The following SEPTIN9 variants were observed in gnomAD, a reference collection of about 807,000 sequenced individuals.
The protein encoded by SEPTIN9 is septin 9.
SEPTIN9 carries 13 observed loss-of-function variants against 56.6 expected under a neutral mutation model. The observed-to-expected ratio is 0.23, with a 90% CI of 0.15 to 0.37. The LOEUF (loss-of-function observed/expected upper bound fraction) is 0.37, where lower values mean the gene tolerates loss of function less well. Ranked by LOEUF, SEPTIN9 falls within the 10% of genes least tolerant of loss-of-function variation. SEPTIN9 has a pLI of 1.00. For synonymous variants in SEPTIN9, 332 were observed against 334.1 expected, an observed-to-expected ratio of 0.99 and a Z score of 0.07; for missense variants, 650 against 823.1, an observed-to-expected ratio of 0.79 and a Z score of 2.57.
At chr17:77,378,545 TG>T (rs1169831434) in intron 2 of SEPTIN9, among the ~76,000 whole-genome samples, 7 of 152,276 alleles carry the variant, frequency 4.6e-5, no homozygotes, top group African/African-American at 1.7e-4. Context: ...CAGGTAGGTT[TG>T]GATGCTTAAA....
At chr17:77,284,347 G>C (rs2031175105) in intron 1 of SEPTIN9, among the ~76,000 whole-genome samples, 2 of 152,238 alleles carry the variant, frequency 1.3e-5, no homozygotes, top group Admixed American at 6.5e-5. Context: ...GGCCCACACA[G>C]GGCAGCTGCA....
At chr17:77,390,141 T>C (rs1180504527) in intron 2 of SEPTIN9, among the ~76,000 whole-genome samples, 2 of 151,786 alleles carry the variant, frequency 1.3e-5, no homozygotes. Context: ...TCTGGAGCCT[T>C]TACTGTGGTC....
At chr17:77,441,532 G>T (rs148058361) in intron 3 of SEPTIN9, among the ~76,000 whole-genome samples, 10 of 152,336 alleles carry the variant, frequency 6.6e-5, no homozygotes, top group African/African-American at 1.4e-4. Flanking sequence ...GGAAGTTTGA[G>T]CAACAGCCTG....
At position 77,327,382 on chromosome 17, in the gene SEPTIN9, G is replaced by A. The variant is rs2033180438; in HGVS notation, c.76+20185G>A. 6.6e-6 allele frequency among the ~76,000 whole-genome samples: 1 copy of A among 152,146 alleles called. No homozygotes were observed. Among genetic ancestry groups the A allele is most frequent in the Non-Finnish European group, 1.5e-5 (1 of 68,018 alleles). The stretch of plus-strand genomic sequence containing the variant: ...CTGAAGCCGCTCGCTGTGTGCCCCC[G>A]CCTGGCCCCATGCATCCCGCACGGT... On this transcript the variant is annotated intron_variant, in intron 2 of 11. Coordinates refer to ENST00000427177, the MANE Select transcript of SEPTIN9 (RefSeq NM_001113491.2). This position sits in a 1 kb window ranked among gnomAD's most constrained non-coding sequence, Gnocchi z 5.0.
At chr17:77,388,675 C>T (rs754629162) in intron 2 of SEPTIN9, among the ~76,000 whole-genome samples, 1 of 152,192 alleles carries the variant, frequency 6.6e-6, no homozygotes, top group Non-Finnish European at 1.5e-5. Flanking sequence ...CTGGGGTCAC[C>T]GTCCCCTGTA....
intron 1 of SEPTIN9, among the ~76,000 whole-genome samples, chr17:77,305,839 T>C (rs2032236593): frequency 7.0e-6 from 1 of 142,292 alleles, no homozygotes; most frequent in South Asian, 2.4e-4. Flanking sequence ...GCTGCACCCA[T>C]TTCCATCTGG....
intron 2 of SEPTIN9, chr17:77,373,373 C>T (rs1230663678): frequency 1.7e-6 from 2 of 1,210,712 alleles, no homozygotes; most frequent in Non-Finnish European, 2.0e-6. Context: ...AGGGGCTCCT[C>T]CGGCGGCTAG....
rs141120279 is a variant in SEPTIN9, at chr17:77,466,534, C to T, written c.722-15610C>T. Reference sequence around the variant, plus strand: ...TGGAAGGAAGAAGCGGGCATTTCTTCCAGGAGGTCACCGTTGGAGTCCCAC... The same window carrying T: ...TGGAAGGAAGAAGCGGGCATTTCTTTCAGGAGGTCACCGTTGGAGTCCCAC... On this transcript the variant is annotated intron_variant, in intron 3 of 11. Transcript: ENST00000427177. 634 of 985,486 alleles carry T rather than the reference C, an allele frequency of 6.4e-4. 2 individuals are homozygous for T. The African/African-American group carries it at 0.011, about 16-fold the overall frequency. The allele number at this position is 985,486 out of a possible 1,614,324, so 61.0% of individuals were successfully genotyped here. A position where few individuals can be genotyped will look rare whatever the true frequency, so the allele number is the denominator to read the frequency against.
At chr17:77,297,112 G>A (rs1368681493) in intron 1 of SEPTIN9, among the ~76,000 whole-genome samples, 4 of 152,298 alleles carry the variant, frequency 2.6e-5, no homozygotes, top group African/African-American at 9.6e-5. Flanking sequence ...TCATACCATT[G>A]TGGAGGCCAA....
chr17:77,289,246 G>A (rs1302245496), intron 1 of SEPTIN9, among the ~76,000 whole-genome samples: 24 of 115,262 alleles, frequency 2.1e-4, no homozygotes, highest in Admixed American at 8.8e-4. Context: ...ACAGGCACGC[G>A]CCACCATGCC....
rs2040435921 is a variant in SEPTIN9, at chr17:77,499,975, G to A, written c.*1317G>A. ...GGCCCCTCACCCTCTGTCCCCACGA[G>A]GGGACCCATGGGGGCTGTCTTTGCA... On this transcript the variant is annotated 3_prime_UTR_variant, in exon 12 of 12. Coordinates refer to ENST00000427177, the MANE Select transcript of SEPTIN9 (RefSeq NM_001113491.2). The A allele has an allele frequency of 4.2e-6, 1 of 239,822 alleles. No individual in the cohort carries two copies. Among genetic ancestry groups the A allele is most frequent in the South Asian group, 1.6e-4 (1 of 6,292 alleles). The allele number at this position is 239,822 out of a possible 1,614,324, so 14.9% of individuals were successfully genotyped here. A position where few individuals can be genotyped will look rare whatever the true frequency, so the allele number is the denominator to read the frequency against.
intron 2 of SEPTIN9, among the ~76,000 whole-genome samples, chr17:77,372,037 C>G (rs558596988): frequency 6.6e-6 from 1 of 152,240 alleles, no homozygotes; most frequent in East Asian, 1.9e-4. Flanking sequence ...GGGCAGCGAG[C>G]GACCTCAGAC....
chr17:77,363,904 G>A (rs891238790), intron 2 of SEPTIN9, among the ~76,000 whole-genome samples: 1 of 146,638 alleles, frequency 6.8e-6, no homozygotes, highest in Non-Finnish European at 1.6e-5. Context: ...CCTTTGTGCT[G>A]TCTCTCACAT....
chr17:77,386,050 C>G (rs2035324890), intron 2 of SEPTIN9, among the ~76,000 whole-genome samples: 1 of 152,180 alleles, frequency 6.6e-6, no homozygotes, highest in African/African-American at 2.4e-5. Context: ...GGTCATCTGC[C>G]TGGCCCGGGG....
In SEPTIN9 at chr17:77,497,447, G is replaced by A. The variant is rs964189962; in HGVS notation, c.1625+81G>A. The A allele has an allele frequency of 7.3e-6, 10 of 1,376,856 alleles. No homozygotes were observed. In the East Asian group the frequency reaches 2.4e-4, roughly 33 times the overall value. 85.3% of individuals were successfully genotyped at this position (1,376,856 alleles called of 1,614,324 possible). A position where few individuals can be genotyped will look rare whatever the true frequency, so the allele number is the denominator to read the frequency against. ...CAGCGGGTGGGGGCAGTGGGTGTGGGGCCGAAGCCCTGGGCAGAGTGGGTG... is the reference window on the plus strand; with the variant it reads ...CAGCGGGTGGGGGCAGTGGGTGTGGAGCCGAAGCCCTGGGCAGAGTGGGTG... On this transcript the variant is annotated intron_variant, in intron 11 of 11. Transcript: ENST00000427177.
At chr17:77,463,345 G>C (rs1248355420) in intron 3 of SEPTIN9, among the ~76,000 whole-genome samples, 1 of 152,142 alleles carries the variant, frequency 6.6e-6, no homozygotes, top group African/African-American at 2.4e-5. Flanking sequence ...CCAGGCTCCT[G>C]ATTGCACCCT....
chr17:77,352,376 C>T (rs998974052), intron 2 of SEPTIN9, among the ~76,000 whole-genome samples: 1 of 151,724 alleles, frequency 6.6e-6, no homozygotes, highest in African/African-American at 2.4e-5. Context: ...CATTGCACTC[C>T]AGCCTGGGTG....
At chr17:77,342,358 C>G (rs2033761121) in intron 2 of SEPTIN9, among the ~76,000 whole-genome samples, 1 of 152,170 alleles carries the variant, frequency 6.6e-6, no homozygotes. Context: ...GTAAGGAAAA[C>G]ACTTCATTCC....
chr17:77,296,517 G>A (rs1390870016), intron 1 of SEPTIN9, among the ~76,000 whole-genome samples: 1 of 152,130 alleles, frequency 6.6e-6, no homozygotes, highest in African/African-American at 2.4e-5. Flanking sequence ...ATGATAGATA[G>A]CCAGGCAGGC....
Sources: gnomAD v4.1 joint callset for allele counts (sites outside exome capture counted in the v4.1 genomes callset) on GRCh38, gnomAD v4.1.1 for gene constraint, Gnocchi (gnomAD v3.1) non-coding constraint, MANE v1.5 for transcripts, NCBI Gene and HGNC (gene_info 2026-07-23, HGNC 2026-07-21) for gene names.